NDUFAF2: variants seen among roughly 807,000 people sequenced by gnomAD.
NDUFAF2 encodes NADH dehydrogenase [ubiquinone] 1 alpha subcomplex assembly factor 2.
A neutral mutation model predicts 22.8 loss-of-function variants in NDUFAF2; 13 were observed. That is an observed-to-expected ratio of 0.57 (90% CI 0.37 to 0.91). The LOEUF is 0.91. Among genes scored for constraint, NDUFAF2 ranks in the 40% least tolerant of loss-of-function variants. The probability of loss-of-function intolerance (pLI) is 0.01; values close to 1 mark genes in which losing one functional copy is unlikely to be tolerated. For synonymous variants in NDUFAF2, 53 were observed against 64.2 expected (o/e 0.83, Z 0.84); for missense variants, 162 against 195.2 (o/e 0.83, Z 1.01).
At chr5:61,063,068 C>A (rs1020515134) in intron 1 of NDUFAF2, among the ~76,000 whole-genome samples, 1 of 151,940 alleles carries the variant, frequency 6.6e-6, no homozygotes, top group African/African-American at 2.4e-5. Context: ...ATTCTTCAGG[C>A]AGAAACAAAA....
chr5:61,123,754 A>G (rs879314382), intron 3 of NDUFAF2, among the ~76,000 whole-genome samples: 2 of 152,198 alleles, frequency 1.3e-5, no homozygotes, highest in East Asian at 1.9e-4. Flanking sequence ...ACAATTAGCA[A>G]TGAAGGTGTA....
At chr5:60,991,175 A>C (rs329621) in intron 1 of NDUFAF2, among the ~76,000 whole-genome samples, 101,448 of 151,890 alleles carry the variant, frequency 0.67, 34,759 homozygotes, top group East Asian at 1. Flanking sequence ...AAATTAAAAA[A>C]ATGTTTTTAA....
chr5:61,074,291 A>G (rs968278016), intron 2 of NDUFAF2, among the ~76,000 whole-genome samples: 1 of 152,112 alleles, frequency 6.6e-6, no homozygotes, highest in Non-Finnish European at 1.5e-5. Flanking sequence ...GTTTCTACTG[A>G]AAATATAAAA....
chr5:61,134,411 C>T (rs950644291), intron 3 of NDUFAF2, among the ~76,000 whole-genome samples: 1 of 152,170 alleles, frequency 6.6e-6, no homozygotes, highest in African/African-American at 2.4e-5. Context: ...TCCCGCCAGG[C>T]GCGGTGGCTC....
chr5:60,979,868 G>A (rs1337182889), intron 1 of NDUFAF2, among the ~76,000 whole-genome samples: 1 of 152,160 alleles, frequency 6.6e-6, no homozygotes, highest in African/African-American at 2.4e-5. Context: ...GTGAGACCTC[G>A]TGTGTGCTGG....
At chr5:61,055,421 G>C (rs1486754943) in intron 1 of NDUFAF2, among the ~76,000 whole-genome samples, 1 of 152,112 alleles carries the variant, frequency 6.6e-6, no homozygotes, top group Non-Finnish European at 1.5e-5. Context: ...ACAGGTTTTT[G>C]AAAGGAGATA....
At chr5:61,122,069 ATCT>A (rs1487447750) in intron 3 of NDUFAF2, among the ~76,000 whole-genome samples, 2 of 151,898 alleles carry the variant, frequency 1.3e-5, no homozygotes, top group Non-Finnish European at 2.9e-5. Context: ...GCCTCAAGCA[ATCT>A]ACCCACCTTG....
chr5:61,017,408 G>A (rs1184466673), intron 1 of NDUFAF2, among the ~76,000 whole-genome samples: 1 of 151,622 alleles, frequency 6.6e-6, no homozygotes, highest in African/African-American at 2.4e-5. Context: ...TTAATTAATT[G>A]ACTTTTGCTA....
At chr5:61,052,337 G>A (rs1216601575) in intron 1 of NDUFAF2, among the ~76,000 whole-genome samples, 2 of 152,104 alleles carry the variant, frequency 1.3e-5, no homozygotes, top group Admixed American at 1.3e-4. Context: ...TTGAGACGGA[G>A]TCTTGCTCTG....
At chr5:61,118,889 A>C (rs1260794597) in intron 3 of NDUFAF2, among the ~76,000 whole-genome samples, 1 of 152,138 alleles carries the variant, frequency 6.6e-6, no homozygotes, top group Non-Finnish European at 1.5e-5. Context: ...GGGAAGGAAA[A>C]TGTTAGGGTT....
intron 1 of NDUFAF2, among the ~76,000 whole-genome samples, chr5:61,007,666 G>T (rs1215964872): frequency 1.3e-5 from 2 of 152,178 alleles, no homozygotes; most frequent in Admixed American, 1.3e-4. Context: ...GTGCTGGAGA[G>T]GATGTGGAGA....
intron 1 of NDUFAF2, among the ~76,000 whole-genome samples, chr5:61,009,684 A>G (rs1010397661): frequency 6.6e-6 from 1 of 152,048 alleles, no homozygotes; most frequent in Admixed American, 6.6e-5. Context: ...TACTAGTCGT[A>G]CTGTACTTCT....
intron 2 of NDUFAF2, among the ~76,000 whole-genome samples, chr5:61,093,525 C>A (rs1453931203): frequency 1.3e-5 from 2 of 152,120 alleles, no homozygotes; most frequent in Admixed American, 1.3e-4. Flanking sequence ...TCATGTGGTT[C>A]TTGTCTTTAG....
chr5:60,959,535 A>G (rs190822518), intron 1 of NDUFAF2, among the ~76,000 whole-genome samples: 1 of 152,220 alleles, frequency 6.6e-6, no homozygotes, highest in African/African-American at 2.4e-5. Context: ...AGTTTTTTCA[A>G]TAGTAAGTAA....
At chr5:61,070,989 A>G (rs993364978) in intron 1 of NDUFAF2, among the ~76,000 whole-genome samples, 5 of 152,182 alleles carry the variant, frequency 3.3e-5, no homozygotes, top group African/African-American at 1.2e-4. Context: ...TCGGTATTTG[A>G]CTAACACATT....
intron 3 of NDUFAF2, among the ~76,000 whole-genome samples, chr5:61,118,166 T>G (rs1329003033): frequency 6.6e-6 from 1 of 152,176 alleles, no homozygotes; most frequent in East Asian, 1.9e-4. Flanking sequence ...AGCTTACCCC[T>G]TTTCCGTACT....
At chr5:61,020,235 T>A (rs577330597) in intron 1 of NDUFAF2, among the ~76,000 whole-genome samples, 2 of 152,258 alleles carry the variant, frequency 1.3e-5, no homozygotes, top group Admixed American at 6.5e-5. Flanking sequence ...CATCGTTTTT[T>A]ATTTTGTTTC....
At chr5:61,070,486 G>A (rs1002124875) in intron 1 of NDUFAF2, among the ~76,000 whole-genome samples, 2 of 151,728 alleles carry the variant, frequency 1.3e-5, no homozygotes, top group Non-Finnish European at 2.9e-5. Context: ...TATTACTAAA[G>A]ATGTATACTT....
intron 1 of NDUFAF2, among the ~76,000 whole-genome samples, chr5:60,996,931 A>G (rs4642318): frequency 0.39 from 58,688 of 151,924 alleles, 12,334 homozygotes; most frequent in East Asian, 0.8. Flanking sequence ...ACCAAGTACT[A>G]TGAAAGCTCA....
Sources: allele counts gnomAD v4.1 joint callset (sites outside exome capture counted in the v4.1 genomes callset), GRCh38; gene constraint gnomAD v4.1.1; transcripts MANE v1.5; gene names NCBI Gene and HGNC (gene_info 2026-07-23, HGNC 2026-07-21).